PTPRN2: variants seen among roughly 807,000 people sequenced by gnomAD.
PTPRN2 encodes the protein protein tyrosine phosphatase receptor type N2, also known as receptor-type tyrosine-protein phosphatase N2.
PTPRN2 carries 74 observed loss-of-function variants against 118.8 expected under a neutral mutation model. The ratio of observed to expected loss-of-function variants is 0.62; its 90% CI spans 0.52 to 0.76. PTPRN2 has a LOEUF of 0.76. PTPRN2 is among the 30% of genes least tolerant of loss of function. The pLI, the probability that PTPRN2 is intolerant of heterozygous loss-of-function variation, is 0.00. For synonymous variants in PTPRN2, 641 were observed against 608.0 expected (o/e 1.05, Z -0.80); for missense variants, 1,481 against 1,394.4 (o/e 1.06, Z -0.99).
rs1334441182 is a variant in PTPRN2, at chr7:158,341,769, T to C, written c.164-24837A>G. 2.4e-4 allele frequency among the ~76,000 whole-genome samples: 33 copies of C among 138,938 alleles called. 1 individual carries two copies. The highest frequency in any genetic ancestry group is 2.9e-4 in the Non-Finnish European group (19 of 65,628). The allele number at this position is 138,938 out of a possible 152,430, so 91.1% of individuals were successfully genotyped here. A position where few individuals can be genotyped will look rare whatever the true frequency, so the allele number is the denominator to read the frequency against. ...ACACCGACACTCTCACCATAAGAGC[T>C]GACACCTGCAGACGTCACTCACACC... On this transcript the variant is annotated intron_variant, in intron 2 of 22. Transcript: ENST00000389418.
intron 11 of PTPRN2, among the ~76,000 whole-genome samples, chr7:157,985,532 T>C (rs1045867517): frequency 6.6e-6 from 1 of 152,214 alleles, no homozygotes; most frequent in Non-Finnish European, 1.5e-5. Context: ...AAAGAGAAGA[T>C]ACTGACATGC....
chr7:158,136,822 G>A, intron 7 of PTPRN2, 127 bp from the exon 8 acceptor site: 2 of 851,698 alleles, frequency 2.3e-6, no homozygotes, highest in East Asian at 2.5e-5. Flanking sequence ...GCTGGCCTAA[G>A]TCCTGCCATA....
rs1283407870 is a variant in PTPRN2, at chr7:158,555,240, T to A, written c.112+32318A>T. Among the ~76,000 whole-genome samples, 2 of 152,188 alleles carry A rather than the reference T, an allele frequency of 1.3e-5. No individual in the cohort carries two copies. The highest frequency in any genetic ancestry group is 2.9e-5 in the Non-Finnish European group (2 of 68,038). ...TCACAAGTTTTCCATCTTCAGCAGC[T>A]CTTACGACTGCAAGATCCCACAGCT... On this transcript the variant is annotated intron_variant, in intron 1 of 22. Transcript: ENST00000389418. This position sits in a 1 kb window ranked among gnomAD's most constrained non-coding sequence, Gnocchi z 4.7.
At chr7:157,664,967 G>A (rs554285950) in intron 13 of PTPRN2, among the ~76,000 whole-genome samples, 57 of 152,306 alleles carry the variant, frequency 3.7e-4, no homozygotes, top group Admixed American at 2.6e-4. Flanking sequence ...CTGGTCAGAC[G>A]GTGAACACCC....
rs960633244 is a variant in PTPRN2 at position 157,611,119 on chromosome 7, G to T, written c.2345-7044C>A. 6.6e-6 allele frequency among the ~76,000 whole-genome samples: 1 copy of T among 152,284 alleles called. No homozygotes were observed. Among genetic ancestry groups the T allele is most frequent in the South Asian group, 2.1e-4 (1 of 4,828 alleles). ...GGTGTCCGGCTTCCACACTGGACGCGTCAAAAGCAGGTCCCAGAGGAGCAA... is the reference window on the plus strand; with the variant it reads ...GGTGTCCGGCTTCCACACTGGACGCTTCAAAAGCAGGTCCCAGAGGAGCAA... On this transcript the variant is annotated intron_variant, in intron 15 of 22. Transcript: ENST00000389418. This position sits in a 1 kb window ranked among gnomAD's most constrained non-coding sequence, Gnocchi z 5.9.
chr7:157,642,830 A>AC (rs1804766707), intron 14 of PTPRN2, among the ~76,000 whole-genome samples: 1 of 146,580 alleles, frequency 6.8e-6, no homozygotes, highest in Admixed American at 6.8e-5. Context: ...AAAAAAAAAA[A>AC]AAAAAAAAAA....
intron 9 of PTPRN2, among the ~76,000 whole-genome samples, chr7:158,122,086 G>A (rs532561968): frequency 1.4e-4 from 21 of 152,290 alleles, no homozygotes; most frequent in East Asian, 7.7e-4. Context: ...TGCATGTGGC[G>A]GCTTCCACCC....
intron 2 of PTPRN2, among the ~76,000 whole-genome samples, chr7:158,423,781 G>C (rs1451181352): frequency 6.6e-6 from 1 of 152,112 alleles, no homozygotes; most frequent in Non-Finnish European, 1.5e-5. Flanking sequence ...AAAGTGCTGG[G>C]ATTACAGGCA....
intron 2 of PTPRN2, among the ~76,000 whole-genome samples, chr7:158,464,602 C>T (rs1745350146): frequency 6.6e-6 from 1 of 151,752 alleles, no homozygotes; most frequent in Non-Finnish European, 1.5e-5. Context: ...CATACCGTCA[C>T]CATCATTGCC....
intron 12 of PTPRN2, among the ~76,000 whole-genome samples, chr7:157,705,630 C>A (rs574293720): frequency 6.6e-5 from 10 of 151,542 alleles, no homozygotes; most frequent in Non-Finnish European, 1.3e-4. Context: ...TGAATCTGAC[C>A]TCAGTGCCTT....
chr7:158,508,678 C>A (rs36022492), intron 1 of PTPRN2, among the ~76,000 whole-genome samples: 7 of 64,728 alleles, frequency 1.1e-4, no homozygotes, highest in South Asian at 8.1e-4. Context: ...GTGGGACGCT[C>A]GGAGCAGGTG....
chr7:158,247,498 C>T (rs574572458), intron 3 of PTPRN2, among the ~76,000 whole-genome samples: 20 of 152,334 alleles, frequency 1.3e-4, no homozygotes, highest in African/African-American at 4.6e-4. Context: ...GTCCACGGCT[C>T]GTGGGCAGCT....
intron 3 of PTPRN2, among the ~76,000 whole-genome samples, chr7:158,208,904 A>G (rs1156420286): frequency 6.6e-6 from 1 of 152,208 alleles, no homozygotes; most frequent in Non-Finnish European, 1.5e-5. Flanking sequence ...GGATGAAGCT[A>G]AAGTGTAGAG....
At chr7:158,279,745 C>A (rs1010042900) in intron 3 of PTPRN2, among the ~76,000 whole-genome samples, 3 of 152,292 alleles carry the variant, frequency 2.0e-5, no homozygotes, top group Non-Finnish European at 2.9e-5. Context: ...CAGAGGGAGC[C>A]GGCTCCGGCC....
rs1341748201 is a variant in PTPRN2, at chr7:158,039,157, A to C, written c.1723+42141T>G. ...GTAATACCATGCCATAGTTACATATAAACTAGATCTAAAGGTATCTGCGTG... is the reference window on the plus strand; with the variant it reads ...GTAATACCATGCCATAGTTACATATCAACTAGATCTAAAGGTATCTGCGTG... On this transcript the variant is annotated intron_variant, in intron 11 of 22. Transcript: ENST00000389418. 2.0e-5 allele frequency among the ~76,000 whole-genome samples: 3 copies of C among 152,270 alleles called. No individual in the cohort carries two copies. In the East Asian group the frequency reaches 5.8e-4, roughly 29 times the overall value.
intron 12 of PTPRN2, among the ~76,000 whole-genome samples, chr7:157,828,945 ATTTC>A (rs1030454728): frequency 6.6e-6 from 1 of 152,208 alleles, no homozygotes; most frequent in African/African-American, 2.4e-5. Context: ...CTCCAACTGT[ATTTC>A]TTTATGCATC....
chr7:157,807,842 T>C (rs1805729728), intron 12 of PTPRN2, among the ~76,000 whole-genome samples: 1 of 152,234 alleles, frequency 6.6e-6, no homozygotes, highest in African/African-American at 2.4e-5. Context: ...ATCCAGTGTC[T>C]GTGGAGCCTC....
chr7:157,607,583 C>T lies in PTPRN2; in HGVS notation c.2345-3508G>A, dbSNP rs7455830. On this transcript the variant is annotated intron_variant, in intron 15 of 22. Transcript: ENST00000389418. The stretch of plus-strand genomic sequence containing the variant: ...TGGTCTCGTGCTTTGATGGTGCCCA[C>T]GGCACCCTGAGACCAGTGGCCTGGC... Among the ~76,000 whole-genome samples the T allele has an allele frequency of 3.9e-5, 6 of 152,354 alleles. No homozygotes were observed. In the South Asian group the frequency reaches 8.3e-4, roughly 21 times the overall value.
intron 1 of PTPRN2, among the ~76,000 whole-genome samples, chr7:158,540,920 G>A (rs1010790649): frequency 6.6e-6 from 1 of 152,192 alleles, no homozygotes; most frequent in East Asian, 1.9e-4. Flanking sequence ...TTTACCGAGC[G>A]CCAAGCACAC....
Sources: gnomAD v4.1 joint callset for allele counts (sites outside exome capture counted in the v4.1 genomes callset) on GRCh38, gnomAD v4.1.1 for gene constraint, Gnocchi (gnomAD v3.1) non-coding constraint, MANE v1.5 for transcripts, NCBI Gene and HGNC (gene_info 2026-07-23, HGNC 2026-07-21) for gene names.